CAPS2: variants seen among roughly 807,000 people sequenced by gnomAD.
The protein encoded by CAPS2 is calcyphosin-2.
In CAPS2, 98 loss-of-function variants were observed where a neutral mutation model predicts 86.5. The ratio of observed to expected loss-of-function variants is 1.13; its 90% CI spans 0.96 to 1.34. The LOEUF is 1.34. CAPS2 is among the 40% of genes most tolerant of loss of function. The pLI is 0.00. For missense variants in CAPS2, 729 were observed against 686.8 expected (o/e 1.06, Z -0.69); for synonymous variants, 210 against 225.1 (o/e 0.93, Z 0.60).
At chr12:75,360,596 G>GT (rs925787064) in intron 1 of CAPS2, 29 of 152,356 alleles carry the variant, frequency 1.9e-4, no homozygotes, top group African/African-American at 7.0e-4. Flanking sequence ...GGAGAGGTGG[G>GT]TTCCCATGGC....
At chr12:75,385,079 C>T (rs2139842272) in intron 1 of CAPS2, among the ~76,000 whole-genome samples, 1 of 152,326 alleles carries the variant, frequency 6.6e-6, no homozygotes, top group South Asian at 2.1e-4. Flanking sequence ...GCATGCCCAA[C>T]CTTCTTGCCA....
chr12:75,298,794 GAA>G lies in CAPS2; in HGVS notation c.951-16_951-15del, dbSNP rs575686639. 1.3e-6 allele frequency: 2 copies of G among 1,534,102 alleles called. No individual in the cohort carries two copies. Among genetic ancestry groups the G allele is most frequent in the Non-Finnish European group, 1.8e-6 (2 of 1,120,102 alleles). ...AGCACATTTGTTCTAGAAAGTAAAT[GAA>G]AAAAAAATGGAAAGTTATTTAGCTT... On this transcript the variant is annotated splice_polypyrimidine_tract_variant and intron_variant, in intron 10 of 16. Coordinates refer to ENST00000393284, the Ensembl canonical transcript of CAPS2.
At chr12:75,363,134 G>C in intron 1 of CAPS2, 1 of 1,560,964 alleles carries the variant, frequency 6.4e-7, no homozygotes, top group Non-Finnish European at 8.6e-7. Context: ...CCTTACGTAA[G>C]AGGAGAATCT....
chr12:75,312,732 T>C (rs1260071708), intron 7 of CAPS2, 116 bp downstream of exon 7: 4 of 621,676 alleles, frequency 6.4e-6, no homozygotes, highest in Non-Finnish European at 8.6e-6. Context: ...AGAGAAAGTT[T>C]GGGAACCTCT....
chr12:75,297,533 G>T (rs567172620), intron 11 of CAPS2, among the ~76,000 whole-genome samples: 4 of 152,214 alleles, frequency 2.6e-5, no homozygotes, highest in African/African-American at 9.6e-5. Context: ...TCCTGCCCTT[G>T]TGTATCTAGT....
At chr12:75,349,192 C>A (rs1486935863) in intron 1 of CAPS2, among the ~76,000 whole-genome samples, 1 of 152,164 alleles carries the variant, frequency 6.6e-6, no homozygotes, top group East Asian at 1.9e-4. Flanking sequence ...GGACACAGTT[C>A]TTGGCACTCA....
chr12:75,360,413 A>G (rs978338235), intron 1 of CAPS2: 3 of 152,220 alleles, frequency 2.0e-5, no homozygotes, highest in Non-Finnish European at 2.9e-5. Flanking sequence ...TCCTAGATAC[A>G]ATGGGGATAC....
At chr12:75,374,081 C>A (rs987251727) in intron 1 of CAPS2, among the ~76,000 whole-genome samples, 1 of 152,196 alleles carries the variant, frequency 6.6e-6, no homozygotes, top group Non-Finnish European at 1.5e-5. Flanking sequence ...CAGGGCTTTG[C>A]TCCAAAATCC....
intron 7 of CAPS2, among the ~76,000 whole-genome samples, chr12:75,309,867 T>C (rs926584858): frequency 2.0e-5 from 3 of 152,228 alleles, no homozygotes; most frequent in African/African-American, 7.2e-5. Flanking sequence ...AGTTCTGTGT[T>C]AAATATACAT....
chr12:75,369,550 T>C (rs1163936929), intron 1 of CAPS2: 13 of 983,082 alleles, frequency 1.3e-5, no homozygotes, highest in Non-Finnish European at 1.6e-5. Context: ...GGAAAAGACA[T>C]CGAGAAATAT....
intron 14 of CAPS2, among the ~76,000 whole-genome samples, chr12:75,285,358 G>A (rs1200762549): frequency 1.3e-5 from 2 of 151,850 alleles, no homozygotes; most frequent in East Asian, 1.9e-4. Context: ...AATAATAATT[G>A]TATATAGTTA....
chr12:75,329,893 G>A (rs2041142596), upstream of CAPS2: 1 of 1,543,486 alleles, frequency 6.5e-7, no homozygotes, highest in East Asian at 2.5e-5. Context: ...GACAGGACAG[G>A]CGAGGGGCAC....
intron 9 of CAPS2, 27 bp from the exon 10 acceptor site, chr12:75,298,993 T>A (rs747429919): frequency 1.4e-6 from 2 of 1,399,702 alleles, no homozygotes; most frequent in Non-Finnish European, 2.0e-6. Flanking sequence ...AAATCAAACA[T>A]CTTCAAATAG....
At chr12:75,341,599 A>G (rs1256251597) in intron 1 of CAPS2, among the ~76,000 whole-genome samples, 4 of 150,166 alleles carry the variant, frequency 2.7e-5, no homozygotes, top group Non-Finnish European at 5.9e-5. Context: ...GGCGCCCGCC[A>G]CCACGCCCGC....
At chr12:75,311,699 G>GAAAAAAAAAAAAAAAAAAAAAAAAAAAA (rs764314438) in intron 7 of CAPS2, among the ~76,000 whole-genome samples, 2 of 16,994 alleles carry the variant, frequency 1.2e-4, no homozygotes, top group Non-Finnish European at 1.6e-4. Flanking sequence ...AAGCCATGCA[G>GAAAAAAAAAAAAAAAAAAAAAAAAAAAA]GAAAAAAAAA....
At chr12:75,280,153 A>G (rs2033663426) in intron 16 of CAPS2, among the ~76,000 whole-genome samples, 1 of 151,906 alleles carries the variant, frequency 6.6e-6, no homozygotes, top group South Asian at 2.1e-4. Context: ...ACCTTAAAAT[A>G]CTTTTATCTA....
At chr12:75,322,837 C>A in intron 4 of CAPS2, 2 of 570,408 alleles carry the variant, frequency 3.5e-6, no homozygotes, top group Non-Finnish European at 6.2e-6. Flanking sequence ...AAATGTAAAA[C>A]AAGTAAAAAT....
chr12:75,342,326 TTTC>T (rs1212863640), intron 1 of CAPS2, among the ~76,000 whole-genome samples: 1 of 152,236 alleles, frequency 6.6e-6, no homozygotes, highest in East Asian at 1.9e-4. Context: ...CCAATGTCAA[TTTC>T]TTATTTTGAT....
At chr12:75,363,586 T>C (rs2043764383) in intron 1 of CAPS2, among the ~76,000 whole-genome samples, 1 of 152,200 alleles carries the variant, frequency 6.6e-6, no homozygotes, top group South Asian at 2.1e-4. Flanking sequence ...AACTAACATG[T>C]TTCTCTTTCA....
Sources: allele counts gnomAD v4.1 joint callset (sites outside exome capture counted in the v4.1 genomes callset), GRCh38; gene constraint gnomAD v4.1.1; transcripts MANE v1.5; gene names NCBI Gene and HGNC (gene_info 2026-07-23, HGNC 2026-07-21).